Variants in CSMD1 observed in about 807,000 individuals in gnomAD.
The protein encoded by CSMD1 is CUB and sushi domain-containing protein 1.
In CSMD1, 213 loss-of-function variants were observed where a neutral mutation model predicts 417.5. The ratio of observed to expected loss-of-function variants is 0.51; its 90% CI spans 0.46 to 0.57. The LOEUF is 0.57. CSMD1 is among the 20% of genes least tolerant of loss of function. The pLI is 0.00. For synonymous variants in CSMD1, 2,862 were observed against 1,736.8 expected, an observed-to-expected ratio of 1.65 and a Z score of -16.11; for missense variants, 6,923 against 4,529.7, an observed-to-expected ratio of 1.53 and a Z score of -15.17.
chr8:4,501,210 A>G (rs1031440758), intron 2 of CSMD1, among the ~76,000 whole-genome samples: 6 of 152,124 alleles, frequency 3.9e-5, no homozygotes, highest in African/African-American at 1.4e-4. Context: ...ATATATTAAT[A>G]TCCTCTATAA....
intron 12 of CSMD1, among the ~76,000 whole-genome samples, chr8:3,456,065 G>C (rs1473496100): frequency 2.6e-5 from 4 of 152,164 alleles, no homozygotes; most frequent in African/African-American, 9.7e-5. Flanking sequence ...TGAGACTGCT[G>C]TCTCAGCAAT....
chr8:4,284,788 C>T (rs1294829592), intron 3 of CSMD1, among the ~76,000 whole-genome samples: 1 of 152,018 alleles, frequency 6.6e-6, no homozygotes, highest in African/African-American at 2.4e-5. Flanking sequence ...TTCCAAAAAC[C>T]ACACATATTT....
intron 41 of CSMD1, among the ~76,000 whole-genome samples, chr8:3,134,249 C>G (rs191625799): frequency 2.1e-3 from 326 of 152,244 alleles, no homozygotes; most frequent in Non-Finnish European, 3.5e-3. Flanking sequence ...GTTTGCTGCA[C>G]AAATCAAGGG....
At chr8:4,157,963 A>T (rs370033093) in intron 3 of CSMD1, among the ~76,000 whole-genome samples, 2 of 152,342 alleles carry the variant, frequency 1.3e-5, no homozygotes, top group African/African-American at 4.8e-5. Flanking sequence ...TTAGCAACGT[A>T]TGCCGAGATT....
chr8:4,989,432 G>A lies in CSMD1; in HGVS notation c.85+4900C>T, dbSNP rs79795553. Among the ~76,000 whole-genome samples, 355 of 152,268 alleles carry A rather than the reference G, an allele frequency of 2.3e-3. 1 individual carries two copies. The highest frequency in any genetic ancestry group is 7.9e-3 in the African/African-American group (330 of 41,544). On this transcript the variant is annotated intron_variant, in intron 1 of 69. Coordinates refer to ENST00000635120, the MANE Select transcript of CSMD1 (RefSeq NM_033225.6). The stretch of plus-strand genomic sequence containing the variant: ...TGGTAATATTTCCATACAACCCAAA[G>A]ACACAAATACTGTAGACTGTGGAAG...
At chr8:2,988,838 T>A (rs1806146838) in intron 54 of CSMD1, among the ~76,000 whole-genome samples, 1 of 152,080 alleles carries the variant, frequency 6.6e-6, no homozygotes, top group Admixed American at 6.6e-5. Context: ...CTGTGAAGGG[T>A]TGAACCTGAG....
chr8:4,625,225 C>A (rs987334918), intron 2 of CSMD1, among the ~76,000 whole-genome samples: 1 of 152,030 alleles, frequency 6.6e-6, no homozygotes, highest in Non-Finnish European at 1.5e-5. Flanking sequence ...TTCTCACCTT[C>A]CACTGTTTAA....
At chr8:4,477,235 T>C (rs1006453602) in intron 2 of CSMD1, among the ~76,000 whole-genome samples, 2 of 152,180 alleles carry the variant, frequency 1.3e-5, no homozygotes, top group Non-Finnish European at 2.9e-5. Flanking sequence ...GTGACAGAGC[T>C]ACCTAGGGCT....
In CSMD1 at chr8:4,259,680, G is replaced by T. The variant is rs148845877; in HGVS notation, c.415+160273C>A. Reference sequence around the variant, plus strand: ...TCCCCTACTGGCAGTACTGGGTCCTGAAATTTCTATTCATCATGTACACAT... The same window carrying T: ...TCCCCTACTGGCAGTACTGGGTCCTTAAATTTCTATTCATCATGTACACAT... On this transcript the variant is annotated intron_variant, in intron 3 of 69. Coordinates refer to ENST00000635120, the MANE Select transcript of CSMD1 (RefSeq NM_033225.6). 2.5e-3 allele frequency among the ~76,000 whole-genome samples: 377 copies of T among 152,074 alleles called. 1 individual carries two copies. Among genetic ancestry groups the T allele is most frequent in the African/African-American group, 8.5e-3 (351 of 41,474 alleles).
Position 4,331,511 on chromosome 8 carries a change from T to G in CSMD1, c.415+88442A>C, listed in dbSNP as rs144799292. On this transcript the variant is annotated intron_variant, in intron 3 of 69. Transcript: ENST00000635120. Reference sequence around the variant, plus strand: ...TTTGTAATTCAAACATGTTTCAGTGTTGTTGTATCCCATTCTCATTTGTGT... The same window carrying G: ...TTTGTAATTCAAACATGTTTCAGTGGTGTTGTATCCCATTCTCATTTGTGT... Among the ~76,000 whole-genome samples, 427 of 152,282 alleles carry G rather than the reference T, an allele frequency of 2.8e-3. 9 individuals carry two copies. In the East Asian group the frequency reaches 0.07, roughly 25 times the overall value.
chr8:4,138,153 G>GTT (rs1803551385), intron 3 of CSMD1, among the ~76,000 whole-genome samples: 2 of 127,366 alleles, frequency 1.6e-5, no homozygotes, highest in African/African-American at 5.9e-5. Flanking sequence ...CTGACCTCAT[G>GTT]ATCCTCCCAC....
At chr8:4,173,024 T>G (rs965888209) in intron 3 of CSMD1, among the ~76,000 whole-genome samples, 1 of 152,304 alleles carries the variant, frequency 6.6e-6, no homozygotes, top group Non-Finnish European at 1.5e-5. Flanking sequence ...GCTTGGTATT[T>G]TAGCCCCTAA....
At chr8:4,206,432 G>C (rs779038890) in intron 3 of CSMD1, among the ~76,000 whole-genome samples, 1 of 151,982 alleles carries the variant, frequency 6.6e-6, no homozygotes, top group Non-Finnish European at 1.5e-5. Flanking sequence ...GAGAACATGC[G>C]GTGTTTGGTT....
chr8:3,755,815 G>C (rs1313457307), intron 5 of CSMD1, among the ~76,000 whole-genome samples: 1 of 152,006 alleles, frequency 6.6e-6, no homozygotes, highest in Non-Finnish European at 1.5e-5. Flanking sequence ...ATAATCTTCT[G>C]TAAGAGAAGT....
intron 1 of CSMD1, among the ~76,000 whole-genome samples, chr8:4,866,840 A>T (rs1044594177): frequency 2.0e-5 from 3 of 152,054 alleles, no homozygotes; most frequent in Non-Finnish European, 4.4e-5. Flanking sequence ...GATTTTTAAA[A>T]ATTATAACTT....
chr8:4,087,774 C>T (rs1405459454), intron 3 of CSMD1, among the ~76,000 whole-genome samples: 3 of 152,142 alleles, frequency 2.0e-5, no homozygotes, highest in Admixed American at 2.0e-4. Context: ...TCTATATTTT[C>T]TCTTTTATAT....
chr8:4,047,074 C>A (rs1798185683), intron 3 of CSMD1, among the ~76,000 whole-genome samples: 1 of 152,124 alleles, frequency 6.6e-6, no homozygotes, highest in South Asian at 2.1e-4. Flanking sequence ...TAAATGTGGT[C>A]TTTAAAAATG....
At chr8:3,762,278 C>T (rs11782513) in intron 5 of CSMD1, among the ~76,000 whole-genome samples, 29,998 of 152,010 alleles carry the variant, frequency 0.2, 3,414 homozygotes, top group South Asian at 0.29. Flanking sequence ...GAAATATCTG[C>T]CCTGCATCCC....
chr8:4,599,158 T>A (rs1469341698), intron 2 of CSMD1, among the ~76,000 whole-genome samples: 1 of 152,158 alleles, frequency 6.6e-6, no homozygotes, highest in East Asian at 1.9e-4. Context: ...ACGTACTGTA[T>A]CTGTAGGGAG....
Sources: allele counts gnomAD v4.1 joint callset (sites outside exome capture counted in the v4.1 genomes callset), GRCh38; gene constraint gnomAD v4.1.1; transcripts MANE v1.5; gene names NCBI Gene and HGNC (gene_info 2026-07-23, HGNC 2026-07-21).